CEP72: variants seen among roughly 807,000 people sequenced by gnomAD.
CEP72 encodes the protein centrosomal protein of 72 kDa.
Under a neutral mutation model 65.7 loss-of-function variants are expected in CEP72, and 78 were observed. That is an observed-to-expected ratio of 1.19 (90% confidence interval 0.99 to 1.43). CEP72 has a LOEUF of 1.43. Ranked by LOEUF, CEP72 falls within the 40% of genes most tolerant of loss-of-function variation. CEP72 has a pLI of 0.00. For synonymous variants in CEP72, 358 were observed against 351.7 expected (o/e 1.02, Z -0.20); for missense variants, 914 against 832.9 (o/e 1.10, Z -1.20).
At position 640,639 on chromosome 5, in the gene CEP72, T is replaced by C. The variant is rs751773210; in HGVS notation, c.1539+35T>C. 5.1e-6 allele frequency: 8 copies of C among 1,575,764 alleles called. No homozygotes were observed. In the East Asian group the frequency reaches 1.8e-4, roughly 36 times the overall value. On this transcript the variant is annotated intron_variant, in intron 9 of 11. Coordinates refer to ENST00000264935, the MANE Select transcript of CEP72 (RefSeq NM_018140.4). ...CCCTGGCGCTGTGTCTGTGTCCATGTGACTGGGGGAAACATGGCTCTGACT... is the reference window on the plus strand; with the variant it reads ...CCCTGGCGCTGTGTCTGTGTCCATGCGACTGGGGGAAACATGGCTCTGACT...
chr5:671,152 C>T (rs571972525), downstream of CEP72, among the ~76,000 whole-genome samples: 6 of 152,202 alleles, frequency 3.9e-5, no homozygotes, highest in South Asian at 2.1e-4. Flanking sequence ...CCTGAGGGGC[C>T]GCCTGGGATC....
At chr5:641,686 G>T in intron 9 of CEP72, 1 of 982,434 alleles carries the variant, frequency 1.0e-6, no homozygotes, top group Non-Finnish European at 1.2e-6. Flanking sequence ...ACACACGTGG[G>T]TCCCCATCCC....
chr5:619,703 C>T (rs926670013), intron 2 of CEP72, among the ~76,000 whole-genome samples: 5 of 152,236 alleles, frequency 3.3e-5, no homozygotes, highest in African/African-American at 9.6e-5. Context: ...CATCTTTCCC[C>T]GTTCCCAGGC....
At chr5:665,097 G>C (rs547341735) in intron 2 of CEP72, 42 of 1,607,936 alleles carry the variant, frequency 2.6e-5, no homozygotes, top group Non-Finnish European at 3.5e-5. Context: ...GGCATGGAGC[G>C]GGGGCTACTT....
At chr5:665,777 C>T (rs1274178280) in intron 3 of CEP72, among the ~76,000 whole-genome samples, 1 of 146,064 alleles carries the variant, frequency 6.8e-6, no homozygotes, top group African/African-American at 2.5e-5. Flanking sequence ...ATGCCCCATT[C>T]ATGCCCCTTC....
chr5:649,908 G>T (rs1738842733), intron 11 of CEP72, among the ~76,000 whole-genome samples: 1 of 123,338 alleles, frequency 8.1e-6, no homozygotes, highest in African/African-American at 3.3e-5. Flanking sequence ...TGTGACTGAG[G>T]TGTGACTGTG....
intron 1 of CEP72, among the ~76,000 whole-genome samples, chr5:616,700 A>T (rs1736008406): frequency 6.6e-6 from 1 of 152,036 alleles, no homozygotes; most frequent in Non-Finnish European, 1.5e-5. Context: ...TGGGAGAGTG[A>T]AGGGCACCAC....
intron 9 of CEP72, chr5:643,240 C>T: frequency 1.0e-6 from 1 of 985,426 alleles, no homozygotes; most frequent in Non-Finnish European, 1.2e-6. Flanking sequence ...GAGCTCACAG[C>T]CCTGCCTTAA....
rs148227780 is a variant in CEP72 at position 665,813 on chromosome 5, C to G, written n.434-128C>G. The G allele has an allele frequency of 8.1e-6, 7 of 866,954 alleles. No individual in the cohort carries two copies. In the African/African-American group the frequency reaches 1.0e-4, roughly 13 times the overall value. 53.7% of individuals were successfully genotyped at this position (866,954 alleles called of 1,614,324 possible). A position where few individuals can be genotyped will look rare whatever the true frequency, so the allele number is the denominator to read the frequency against. Reference sequence around the variant, plus strand: ...TGACCACACCTCCTCAGACCCCACACCAGGCCACGCCCTCCTGACCACGCC... The same window carrying G: ...TGACCACACCTCCTCAGACCCCACAGCAGGCCACGCCCTCCTGACCACGCC... On this transcript the variant is annotated intron_variant and non_coding_transcript_variant, in intron 3 of 4. Coordinates refer to the CEP72 transcript ENST00000514507.
At chr5:620,283 G>A (rs754447137) in intron 3 of CEP72, 22 bp downstream of exon 3, 28 of 1,603,432 alleles carry the variant, frequency 1.7e-5, no homozygotes, top group Non-Finnish European at 2.3e-5. Flanking sequence ...GCAGGGCCAC[G>A]CTCATGCTTT....
At chr5:612,678 T>TA (rs1336204036) in intron 1 of CEP72, 25 of 895,982 alleles carry the variant, frequency 2.8e-5, no homozygotes, top group Non-Finnish European at 3.2e-5. Flanking sequence ...CCTGCCTGTC[T>TA]ATCGGGTCAC....
intron 3 of CEP72, 137 bp downstream of exon 3, chr5:620,398 T>C (rs1736313132): frequency 1.4e-6 from 1 of 727,634 alleles, no homozygotes; most frequent in African/African-American, 1.8e-5. Context: ...TCTACGCTGG[T>C]GGCTTGAGTT....
Position 624,961 on chromosome 5 carries a change from A to T in CEP72, c.512+382A>T, listed in dbSNP as rs1736651829. Among the ~76,000 whole-genome samples, 2 of 152,120 alleles carry T rather than the reference A, an allele frequency of 1.3e-5. No homozygotes were observed. Among genetic ancestry groups the T allele is most frequent in the African/African-American group, 4.8e-5 (2 of 41,424 alleles). ...CCAAATCCCACTTCTGGCCGTGAGC[A>T]CATTCAGCAGGACCCGTCTTCCTGG... On this transcript the variant is annotated intron_variant, in intron 4 of 11. Transcript: ENST00000264935. The surrounding 1 kb of genome is among the most constrained non-coding windows in gnomAD (Gnocchi z 4.7).
chr5:634,311 G>A (rs568368071), intron 5 of CEP72, among the ~76,000 whole-genome samples: 1 of 152,346 alleles, frequency 6.6e-6, no homozygotes, highest in African/African-American at 2.4e-5. Flanking sequence ...GAAACCCTGA[G>A]CTCAGGCCGC....
chr5:646,802 A>G (rs1738457141), intron 10 of CEP72, among the ~76,000 whole-genome samples: 1 of 152,174 alleles, frequency 6.6e-6, no homozygotes, highest in African/African-American at 2.4e-5. Flanking sequence ...GCTGACGGCC[A>G]CCCACTGCTG....
chr5:638,339 CA>C (rs748189276), intron 7 of CEP72, among the ~76,000 whole-genome samples: 2 of 152,046 alleles, frequency 1.3e-5, no homozygotes, highest in Non-Finnish European at 1.5e-5. Context: ...ACCTAGAGGT[CA>C]GGGGGACAAC....
exon 2 of CEP72, chr5:663,429 C>T (rs1462532912): frequency 6.6e-6 from 1 of 152,442 alleles, no homozygotes; most frequent in African/African-American, 2.4e-5. Flanking sequence ...CTGAACTTCC[C>T]AGCCCTGCCG....
chr5:637,964 C>T (rs1407779738), intron 7 of CEP72, 146 bp downstream of exon 7: 28 of 809,574 alleles, frequency 3.5e-5, no homozygotes, highest in East Asian at 2.4e-4. Flanking sequence ...GCCGTGATTA[C>T]GCCTACGGCA....
chr5:669,240 C>G (rs937422727), downstream of CEP72, among the ~76,000 whole-genome samples: 1 of 152,034 alleles, frequency 6.6e-6, no homozygotes, highest in African/African-American at 2.4e-5. Context: ...GGCCATAGGG[C>G]GCTGTTGTCC....
Sources: gnomAD v4.1 joint callset for allele counts (sites outside exome capture counted in the v4.1 genomes callset) on GRCh38, gnomAD v4.1.1 for gene constraint, Gnocchi (gnomAD v3.1) non-coding constraint, MANE v1.5 for transcripts, NCBI Gene and HGNC (gene_info 2026-07-23, HGNC 2026-07-21) for gene names.